The following SEL1L2 variants were observed in gnomAD, a reference collection of about 807,000 sequenced individuals.
The protein encoded by SEL1L2 is protein sel-1 homolog 2.
Under a neutral mutation model 98.8 loss-of-function variants are expected in SEL1L2, and 89 were observed. The ratio of observed to expected loss-of-function variants is 0.90; its 90% CI spans 0.76 to 1.07. The LOEUF (loss-of-function observed/expected upper bound fraction) is 1.07. Among genes scored for constraint, SEL1L2 ranks in the 50% least tolerant of loss-of-function variants. The pLI is 0.00. For synonymous variants in SEL1L2, 262 were observed against 278.5 expected (o/e 0.94, Z 0.59); for missense variants, 788 against 812.0 (o/e 0.97, Z 0.36).
chr20:13,972,182 G>C (rs1458501927), intron 1 of SEL1L2, among the ~76,000 whole-genome samples: 1 of 152,072 alleles, frequency 6.6e-6, no homozygotes, highest in Non-Finnish European at 1.5e-5. Flanking sequence ...TTGATATTTT[G>C]ACTGGAATTG....
chr20:13,905,991 C>T (rs150437365), intron 5 of SEL1L2, among the ~76,000 whole-genome samples: 5,980 of 151,332 alleles, frequency 0.04, 366 homozygotes, highest in African/African-American at 0.13. Flanking sequence ...TCTCCTGCCT[C>T]GGCCTTCCAA....
intron 2 of SEL1L2, among the ~76,000 whole-genome samples, chr20:13,953,203 A>C (rs1156963543): frequency 6.6e-6 from 1 of 152,144 alleles, no homozygotes; most frequent in African/African-American, 2.4e-5. Context: ...TCCCTGTGCA[A>C]ACTGGTAAAA....
intron 5 of SEL1L2, among the ~76,000 whole-genome samples, chr20:13,898,521 T>A (rs1439920959): frequency 6.6e-6 from 1 of 152,186 alleles, no homozygotes; most frequent in African/African-American, 2.4e-5. Flanking sequence ...GTAACCAATT[T>A]ACCATCAACT....
At chr20:13,950,104 G>A (rs2148415975) in intron 2 of SEL1L2, among the ~76,000 whole-genome samples, 1 of 152,274 alleles carries the variant, frequency 6.6e-6, no homozygotes, top group East Asian at 1.9e-4. Context: ...ACACTTAGAT[G>A]AGGTACCTAA....
intron 5 of SEL1L2, among the ~76,000 whole-genome samples, chr20:13,894,534 T>G (rs2148042026): frequency 6.6e-6 from 1 of 152,338 alleles, no homozygotes; most frequent in South Asian, 2.1e-4. Context: ...CTCTCCAGCC[T>G]GGGCAACAGA....
At chr20:13,953,377 C>G (rs1379119192) in intron 2 of SEL1L2, among the ~76,000 whole-genome samples, 1 of 152,196 alleles carries the variant, frequency 6.6e-6, no homozygotes, top group Non-Finnish European at 1.5e-5. Context: ...GTACCCTTAG[C>G]TAGCTAGACC....
At chr20:13,858,956 G>T (rs559787304) in intron 18 of SEL1L2, among the ~76,000 whole-genome samples, 1 of 152,348 alleles carries the variant, frequency 6.6e-6, no homozygotes, top group Non-Finnish European at 1.5e-5. Context: ...GGAAAATGGA[G>T]ACAGGGCCTA....
chr20:13,951,963 C>T (rs544332830), intron 2 of SEL1L2, among the ~76,000 whole-genome samples: 5 of 152,056 alleles, frequency 3.3e-5, no homozygotes, highest in African/African-American at 7.2e-5. Flanking sequence ...CCTGCAAATC[C>T]TGCCAGGTGA....
intron 10 of SEL1L2, among the ~76,000 whole-genome samples, chr20:13,882,836 A>G (rs1157976485): frequency 7.2e-4 from 34 of 46,964 alleles, no homozygotes; most frequent in African/African-American, 2.5e-3. Context: ...TTTTTTTTTG[A>G]GACGGAGTCT....
chr20:13,875,472 C>G (rs1212257902), intron 12 of SEL1L2, among the ~76,000 whole-genome samples: 1 of 152,156 alleles, frequency 6.6e-6, no homozygotes, highest in African/African-American at 2.4e-5. Context: ...AAGTAACTTG[C>G]CCTTGTTCAC....
At chr20:13,992,845 G>A (rs1457174023), upstream of SEL1L2, among the ~76,000 whole-genome samples, 1 of 152,090 alleles carries the variant, frequency 6.6e-6, no homozygotes, top group Admixed American at 6.5e-5. Context: ...AAGGGGGTGG[G>A]AGGAGAGGAT....
At chr20:13,917,774 A>C (rs1201455390) in intron 4 of SEL1L2, among the ~76,000 whole-genome samples, 35 of 52,606 alleles carry the variant, frequency 6.7e-4, no homozygotes, top group Non-Finnish European at 7.8e-4. Flanking sequence ...TACTTTCTTT[A>C]TTTCTTTCTT....
At chr20:13,888,319 C>T in intron 6 of SEL1L2, 140 bp downstream of exon 6, 1 of 671,414 alleles carries the variant, frequency 1.5e-6, no homozygotes. Context: ...GGCATAAGAA[C>T]ACTAAATTTC....
chr20:13,978,496 G>T (rs1185773861), intron 1 of SEL1L2, among the ~76,000 whole-genome samples: 1 of 152,158 alleles, frequency 6.6e-6, no homozygotes, highest in Non-Finnish European at 1.5e-5. Flanking sequence ...ATTATGGAAA[G>T]CAGTATAGAG....
chr20:13,928,025 G>T (rs901181472), intron 3 of SEL1L2: 2 of 152,208 alleles, frequency 1.3e-5, no homozygotes, highest in Non-Finnish European at 2.9e-5. Context: ...TCATAGAGCA[G>T]AAGAGAAGAT....
chr20:13,986,566 A>T (rs1189345391), intron 1 of SEL1L2, among the ~76,000 whole-genome samples: 4 of 152,236 alleles, frequency 2.6e-5, no homozygotes, highest in Non-Finnish European at 4.4e-5. Context: ...TGTAACACCT[A>T]TGAGCACTTC....
intron 3 of SEL1L2, among the ~76,000 whole-genome samples, chr20:13,922,185 C>T (rs2048694474): frequency 1.3e-5 from 2 of 152,016 alleles, no homozygotes; most frequent in Admixed American, 6.6e-5. Context: ...GAACACAATC[C>T]CTGTTATTTC....
chr20:13,958,961 C>A (rs1262044608), intron 1 of SEL1L2, among the ~76,000 whole-genome samples: 2 of 150,846 alleles, frequency 1.3e-5, no homozygotes, highest in Non-Finnish European at 2.9e-5. Context: ...AAGACAAGAG[C>A]CTTGAAGATG....
At chr20:13,970,256 A>C (rs1365169592) in intron 1 of SEL1L2, among the ~76,000 whole-genome samples, 1 of 152,234 alleles carries the variant, frequency 6.6e-6, no homozygotes, top group Non-Finnish European at 1.5e-5. Flanking sequence ...TCAAGGTTGG[A>C]AGACAGTTGT....
Sources: allele counts gnomAD v4.1 joint callset (sites outside exome capture counted in the v4.1 genomes callset), GRCh38; gene constraint gnomAD v4.1.1; transcripts MANE v1.5; gene names NCBI Gene and HGNC (gene_info 2026-07-23, HGNC 2026-07-21).